Variants in UNC13C observed in about 807,000 individuals in gnomAD.
UNC13C encodes unc-13 homolog C.
UNC13C carries 174 observed loss-of-function variants against 245.4 expected under a neutral mutation model. The observed-to-expected ratio is 0.71, with a 90% CI of 0.63 to 0.80. The LOEUF (loss-of-function observed/expected upper bound fraction) is 0.80. UNC13C is among the 30% of genes least tolerant of loss of function. The pLI is 0.00. For missense variants in UNC13C, 2,829 were observed against 2,602.9 expected (o/e 1.09, Z -1.89); for synonymous variants, 992 against 895.1 (o/e 1.11, Z -1.93).
intron 17 of UNC13C, 104 bp downstream of exon 17, chr15:54,338,593 C>T: frequency 7.8e-7 from 1 of 1,274,200 alleles, no homozygotes; most frequent in Non-Finnish European, 1.1e-6. Flanking sequence ...CATTTAATTT[C>T]ACATTAACTG....
intron 17 of UNC13C, among the ~76,000 whole-genome samples, chr15:54,366,132 G>A (rs1475242861): frequency 6.6e-6 from 1 of 152,104 alleles, no homozygotes. Flanking sequence ...CTCTCTGTTA[G>A]ATGAAAAGGC....
intron 2 of UNC13C, among the ~76,000 whole-genome samples, chr15:54,052,454 C>A (rs1303371062): frequency 6.6e-6 from 1 of 151,690 alleles, no homozygotes; most frequent in Admixed American, 6.6e-5. Context: ...GATTGCCATT[C>A]TAACTGGTGT....
At chr15:53,974,162 A>G (rs1053685886), upstream of UNC13C, among the ~76,000 whole-genome samples, 7 of 152,206 alleles carry the variant, frequency 4.6e-5, no homozygotes, top group African/African-American at 1.7e-4. Context: ...ATGTAATAAC[A>G]CTTTTAAGGG....
At chr15:54,381,212 G>A (rs74635284) in intron 17 of UNC13C, among the ~76,000 whole-genome samples, 60 of 152,220 alleles carry the variant, frequency 3.9e-4, no homozygotes, top group African/African-American at 1.4e-3. Context: ...TGATTGAAGA[G>A]ATTGTCCTTT....
chr15:54,453,211 T>C (rs549428230), intron 19 of UNC13C, among the ~76,000 whole-genome samples: 4 of 152,298 alleles, frequency 2.6e-5, no homozygotes, highest in East Asian at 3.9e-4. Context: ...GAGGGGTCCA[T>C]GGTGGGAATG....
intron 7 of UNC13C, among the ~76,000 whole-genome samples, chr15:54,241,312 G>A (rs1398588294): frequency 6.6e-6 from 1 of 152,148 alleles, no homozygotes; most frequent in Non-Finnish European, 1.5e-5. Context: ...AGAACTAGAT[G>A]TGGAGGTAAT....
intron 17 of UNC13C, among the ~76,000 whole-genome samples, chr15:54,365,215 T>A (rs2140873070): frequency 6.6e-6 from 1 of 152,094 alleles, no homozygotes; most frequent in East Asian, 1.9e-4. Context: ...ACTGAGATCA[T>A]TTTCTCTGTA....
At chr15:53,975,565 A>G (rs1893670003), upstream of UNC13C, among the ~76,000 whole-genome samples, 4 of 152,216 alleles carry the variant, frequency 2.6e-5, no homozygotes, top group Admixed American at 2.6e-4. Context: ...ATGCTTTTTC[A>G]AGGATTCCTC....
intron 4 of UNC13C, among the ~76,000 whole-genome samples, chr15:54,179,024 C>A (rs1426372233): frequency 5.3e-5 from 8 of 152,152 alleles, no homozygotes; most frequent in Non-Finnish European, 1.2e-4. Context: ...AAGTATAAAT[C>A]TACCAGTTTC....
At chr15:54,572,773 CA>C (rs1897815356) in intron 30 of UNC13C, among the ~76,000 whole-genome samples, 1 of 152,058 alleles carries the variant, frequency 6.6e-6, no homozygotes, top group African/African-American at 2.4e-5. Context: ...ATTACTGTTT[CA>C]AACTGCATTG....
intron 19 of UNC13C, among the ~76,000 whole-genome samples, chr15:54,486,457 A>AAAAAG (rs1057310198): frequency 6.6e-6 from 1 of 151,666 alleles, no homozygotes; most frequent in Non-Finnish European, 1.5e-5. Flanking sequence ...AAAAAAAAAG[A>AAAAAG]AAAAGAAAAG....
At chr15:54,539,012 A>G (rs2141163130) in intron 26 of UNC13C, among the ~76,000 whole-genome samples, 1 of 152,070 alleles carries the variant, frequency 6.6e-6, no homozygotes. Context: ...GTTGGAAAGG[A>G]AAAAAAAGTT....
the UNC13C span, among the ~76,000 whole-genome samples, chr15:53,888,665 T>G: frequency 1.5e-4 from 23 of 152,224 alleles, no homozygotes; most frequent in Admixed American, 9.2e-4. Flanking sequence ...TTTTCTTCTG[T>G]GGTTTTTATG....
At chr15:54,050,325 A>G (rs1178566234) in intron 2 of UNC13C, 13 of 582,376 alleles carry the variant, frequency 2.2e-5, no homozygotes, top group Non-Finnish European at 4.0e-5. Context: ...ACATTTTCTG[A>G]ATCAGGACCC....
chr15:54,212,907 C>G (rs1025454954), intron 4 of UNC13C, among the ~76,000 whole-genome samples: 1 of 152,030 alleles, frequency 6.6e-6, no homozygotes, highest in African/African-American at 2.4e-5. Context: ...TACTTTTTCT[C>G]TATTTAAACC....
At chr15:53,985,428 T>C (rs903726208) in intron 1 of UNC13C, among the ~76,000 whole-genome samples, 1 of 151,932 alleles carries the variant, frequency 6.6e-6, no homozygotes, top group East Asian at 1.9e-4. Flanking sequence ...TACATATGTA[T>C]ACATGTGCTA....
the UNC13C span, among the ~76,000 whole-genome samples, chr15:53,956,613 A>T: frequency 9.8e-6 from 1 of 101,706 alleles, no homozygotes; most frequent in African/African-American, 3.6e-5. Flanking sequence ...AAAAAGGGAG[A>T]AGCTTGATGA....
At chr15:53,973,006 G>A in the UNC13C span, among the ~76,000 whole-genome samples, 2 of 151,764 alleles carry the variant, frequency 1.3e-5, no homozygotes, top group South Asian at 2.1e-4. Context: ...TTTCATTTTT[G>A]TCAAGCCAAA....
At chr15:53,889,651 C>T in the UNC13C span, among the ~76,000 whole-genome samples, 1 of 152,272 alleles carries the variant, frequency 6.6e-6, no homozygotes, top group East Asian at 1.9e-4. Context: ...GGGAATGCTT[C>T]CAATTTTTGC....
Sources: allele counts gnomAD v4.1 joint callset (sites outside exome capture counted in the v4.1 genomes callset), GRCh38; gene constraint gnomAD v4.1.1; transcripts MANE v1.5; gene names NCBI Gene and HGNC (gene_info 2026-07-23, HGNC 2026-07-21).